Variants in AASS observed in about 807,000 individuals in gnomAD.
The protein encoded by AASS is alpha-aminoadipic semialdehyde synthase, mitochondrial.
AASS carries 86 observed loss-of-function variants against 105.4 expected under a neutral mutation model. The ratio of observed to expected loss-of-function variants is 0.82; its 90% CI spans 0.69 to 0.98. The LOEUF (loss-of-function observed/expected upper bound fraction) is 0.98, where lower values mean the gene tolerates loss of function less well. AASS is among the 50% of genes least tolerant of loss of function. AASS has a pLI of 0.00. For missense variants in AASS, 1,048 were observed against 1,143.2 expected (o/e 0.92, Z 1.20); for synonymous variants, 381 against 394.8 (o/e 0.96, Z 0.41).
At chr7:122,122,837 T>A (rs911002888) in intron 4 of AASS, among the ~76,000 whole-genome samples, 8 of 152,230 alleles carry the variant, frequency 5.3e-5, no homozygotes, top group Non-Finnish European at 1.2e-4. Flanking sequence ...CCTGATTTTG[T>A]TTATGTTTCC....
In AASS at chr7:122,081,501, C is replaced by G. The variant is rs1310558887; in HGVS notation, c.2279G>C (p.Trp760Ser). The G allele has an allele frequency of 3.7e-6, 6 of 1,610,242 alleles. No individual in the cohort carries two copies. Among genetic ancestry groups the G allele is most frequent in the Non-Finnish European group, 5.1e-6 (6 of 1,176,474 alleles). ...AFRPEANPLT[W>S]KQLLCDLVGI... The stretch of plus-strand genomic sequence containing the variant: ...AGAACGTAATTCGGAGTCACTCACC[C>G]AGGTGAGAGGGTTGGCCTCAGGTCT... Residue 760 changes from tryptophan to serine, a missense_variant and splice_region_variant, in exon 20 of 24, where the codon TGG becomes TCG. Trp to Ser is a radical substitution (Grantham distance 177, BLOSUM62 -3). Transcript: ENST00000417368.
In AASS at chr7:122,097,832, C is replaced by A. The variant is rs185123828; in HGVS notation, c.1655+618G>T. ...CTGCAATCCCACTTCTAAGTACATA[C>A]CCAACAGAAATGTATAATTACTGTT... On this transcript the variant is annotated intron_variant, in intron 15 of 23. Coordinates refer to ENST00000417368, the MANE Select transcript of AASS (RefSeq NM_005763.4). Among the ~76,000 whole-genome samples the A allele has an allele frequency of 2.0e-5, 3 of 152,028 alleles. No individual in the cohort carries two copies. The East Asian group carries it at 5.8e-4, about 29-fold the overall frequency.
At chr7:122,077,739 T>C (rs1001709486) in intron 23 of AASS, 99 bp downstream of exon 23, 2 of 1,446,936 alleles carry the variant, frequency 1.4e-6, no homozygotes, top group South Asian at 1.1e-5. Context: ...TTTTAGTAAA[T>C]GCCTGTGTTA....
chr7:122,081,177 A>C (rs765501965), intron 20 of AASS, among the ~76,000 whole-genome samples: 2 of 152,142 alleles, frequency 1.3e-5, no homozygotes, highest in Non-Finnish European at 2.9e-5. Context: ...AGTCCAAGTG[A>C]CTCCCATCAC....
At chr7:122,117,164 A>G (rs544307120) in intron 6 of AASS, among the ~76,000 whole-genome samples, 45 of 152,316 alleles carry the variant, frequency 3.0e-4, no homozygotes, top group African/African-American at 8.7e-4. Context: ...ACACTTAGAA[A>G]GGGCTTTAAT....
At chr7:122,092,271 T>C (rs1298375120) in intron 17 of AASS, among the ~76,000 whole-genome samples, 1 of 152,032 alleles carries the variant, frequency 6.6e-6, no homozygotes, top group Non-Finnish European at 1.5e-5. Context: ...ATAAAAGATA[T>C]TTCATATCAA....
At position 122,129,405 on chromosome 7, in the gene AASS, C is replaced by T. The variant is rs777159345; in HGVS notation, c.343G>A (p.Ala115Thr). 5.6e-6 allele frequency: 9 copies of T among 1,612,906 alleles called. No homozygotes were observed. Among genetic ancestry groups the T allele is most frequent in the African/African-American group, 1.3e-5 (1 of 74,994 alleles). Reference protein sequence around the residue: ...TYAFFSHTIKAQEANMGLLDE... With the variant: ...TYAFFSHTIKTQEANMGLLDE... ...AACAAGCCCATATTGGCCTCCTGAG[C>T]TTTTATTGTGTGGGAGAAAAATGCA... is the stretch of plus-strand genomic sequence containing the variant. Residue 115 changes from alanine (A) to threonine (T), a missense_variant, in exon 3 of 24, where the codon GCT becomes ACT. Coordinates refer to ENST00000417368, the MANE Select transcript of AASS (RefSeq NM_005763.4).
chr7:122,109,672 T>C (rs556696421), intron 11 of AASS, among the ~76,000 whole-genome samples: 1 of 151,284 alleles, frequency 6.6e-6, no homozygotes, highest in Non-Finnish European at 1.5e-5. Flanking sequence ...AACACTTAAA[T>C]GGAAGACCTA....
chr7:122,112,762 G>C (rs1794995021), intron 11 of AASS, among the ~76,000 whole-genome samples: 1 of 152,082 alleles, frequency 6.6e-6, no homozygotes, highest in Admixed American at 6.6e-5. Context: ...TAATTTTTCA[G>C]ACCTGGTTAT....
chr7:122,141,471 G>A (rs1040487661), intron 1 of AASS, among the ~76,000 whole-genome samples: 1 of 152,014 alleles, frequency 6.6e-6, no homozygotes, highest in Non-Finnish European at 1.5e-5. Context: ...TATGAGTTGT[G>A]TTTTACTCAT....
intron 18 of AASS, among the ~76,000 whole-genome samples, chr7:122,088,613 G>C (rs1793744346): frequency 6.6e-6 from 1 of 152,136 alleles, no homozygotes; most frequent in African/African-American, 2.4e-5. Flanking sequence ...ATAAAGAATT[G>C]GTACAGGCAA....
chr7:122,077,915 C>T lies in AASS; in HGVS notation c.2585G>A (p.Gly862Glu). The T allele has an allele frequency of 8.1e-6, 13 of 1,614,172 alleles. No individual in the cohort carries two copies. Among genetic ancestry groups the T allele is most frequent in the Non-Finnish European group, 1.1e-5 (13 of 1,180,022 alleles). Residue 862 changes from glycine to glutamate, a missense_variant, in exon 23 of 24, where the codon GGG becomes GAG. Gly to Glu is a moderately conservative substitution (Grantham distance 98). Coordinates refer to ENST00000417368, the MANE Select transcript of AASS (RefSeq NM_005763.4). Reference protein sequence around the residue: ...EHKTIDLVAYGDINGFSAMAK... With the variant: ...EHKTIDLVAYEDINGFSAMAK... The stretch of plus-strand genomic sequence containing the variant: ...CATGGCTGAAAAGCCATTGATGTCC[C>T]CATAAGCCACAAGATCAATCGTTTT...
rs761223979 is a variant in AASS, at chr7:122,113,592, A to T, written c.1166+6T>A. Reference sequence around the variant, plus strand: ...GAATATCATCTAACAACTTTAGCAAACTCACCTGTCATGAATAATATGCTG... The same window carrying T: ...GAATATCATCTAACAACTTTAGCAATCTCACCTGTCATGAATAATATGCTG... On this transcript the variant is annotated splice_donor_region_variant and intron_variant, in intron 10 of 23. Transcript: ENST00000417368. 6.2e-7 allele frequency: 1 copy of T among 1,613,292 alleles called. No individual in the cohort carries two copies. Among genetic ancestry groups the T allele is most frequent in the Non-Finnish European group, 8.5e-7 (1 of 1,179,866 alleles).
At chr7:122,100,590 G>A (rs1045549588) in intron 13 of AASS, among the ~76,000 whole-genome samples, 1 of 151,634 alleles carries the variant, frequency 6.6e-6, no homozygotes, top group Non-Finnish European at 1.5e-5. Flanking sequence ...AAACAGTTGT[G>A]TTATTTTTTT....
intron 11 of AASS, among the ~76,000 whole-genome samples, chr7:122,106,305 A>C (rs1371407984): frequency 6.6e-6 from 1 of 152,086 alleles, no homozygotes; most frequent in East Asian, 1.9e-4. Flanking sequence ...AGGGGAATCA[A>C]TGTTATTAAA....
intron 1 of AASS, among the ~76,000 whole-genome samples, chr7:122,143,625 A>G (rs1257196536): frequency 3.3e-5 from 5 of 151,752 alleles, no homozygotes; most frequent in Non-Finnish European, 7.4e-5. Flanking sequence ...GCAGCCCAAG[A>G]TGGACAAGGA....
intron 13 of AASS, among the ~76,000 whole-genome samples, chr7:122,101,029 T>G: frequency 6.6e-6 from 1 of 151,864 alleles, no homozygotes; most frequent in East Asian, 1.9e-4. Context: ...AGTGTGCTCA[T>G]TTTCCTTTGA....
chr7:122,136,577 G>A (rs1025847546), intron 1 of AASS, among the ~76,000 whole-genome samples: 3 of 151,932 alleles, frequency 2.0e-5, no homozygotes, highest in African/African-American at 7.3e-5. Context: ...CAGTCTTCTC[G>A]AAGCCAAAAG....
intron 4 of AASS, among the ~76,000 whole-genome samples, chr7:122,119,423 C>CA (rs1303390204): frequency 6.6e-6 from 1 of 152,054 alleles, no homozygotes; most frequent in Non-Finnish European, 1.5e-5. Context: ...CTTAGCCAGC[C>CA]ACCTTTTTAT....
Sources: allele counts gnomAD v4.1 joint callset (sites outside exome capture counted in the v4.1 genomes callset), GRCh38; gene constraint gnomAD v4.1.1; transcripts MANE v1.5; gene names NCBI Gene and HGNC (gene_info 2026-07-23, HGNC 2026-07-21).